Variants in MSRA observed in about 807,000 individuals in gnomAD.
The protein encoded by MSRA is methionine sulfoxide reductase A, also known as mitochondrial peptide methionine sulfoxide reductase.
A neutral mutation model predicts 31.3 loss-of-function variants in MSRA; 54 were observed. The ratio of observed to expected loss-of-function variants is 1.73; its 90% CI spans 1.39 to 2.17. MSRA has a LOEUF of 2.17. MSRA is among the 30% of genes most tolerant of loss of function. MSRA has a pLI of 0.00. For missense variants in MSRA, 507 were observed against 300.9 expected (o/e 1.69, Z -5.07); for synonymous variants, 169 against 116.5 (o/e 1.45, Z -2.90).
At chr8:10,097,084 C>A (rs778333593) in intron 1 of MSRA, among the ~76,000 whole-genome samples, 1 of 151,960 alleles carries the variant, frequency 6.6e-6, no homozygotes, top group Non-Finnish European at 1.5e-5. Context: ...TCCATTATTG[C>A]GCGCCTTAAA....
chr8:10,074,304 G>C (rs948268787), intron 1 of MSRA, among the ~76,000 whole-genome samples: 2 of 151,790 alleles, frequency 1.3e-5, no homozygotes, highest in African/African-American at 4.8e-5. Flanking sequence ...GGATGGTCTT[G>C]ATCTCCTGAC....
chr8:10,270,560 G>T (rs1404371192), intron 3 of MSRA, among the ~76,000 whole-genome samples: 1 of 152,218 alleles, frequency 6.6e-6, no homozygotes, highest in Non-Finnish European at 1.5e-5. Flanking sequence ...AGGACTGCTA[G>T]AGGAGGGAGG....
chr8:10,292,069 T>G (rs1236677082), intron 3 of MSRA, among the ~76,000 whole-genome samples: 1 of 152,208 alleles, frequency 6.6e-6, no homozygotes, highest in East Asian at 1.9e-4. Flanking sequence ...AGTATTCTAG[T>G]CGCATTAGCT....
intron 3 of MSRA, among the ~76,000 whole-genome samples, chr8:10,273,728 C>T (rs1055672457): frequency 2.0e-5 from 3 of 152,082 alleles, no homozygotes; most frequent in Non-Finnish European, 4.4e-5. Context: ...GTTATTGTGG[C>T]TCTGTGAATG....
intron 1 of MSRA, among the ~76,000 whole-genome samples, chr8:10,127,957 T>C (rs868792809): frequency 1.6e-4 from 25 of 152,228 alleles, no homozygotes; most frequent in African/African-American, 4.3e-4. Context: ...GTGTTTCTCC[T>C]GGGGCAGTGT....
chr8:10,054,694 C>T (rs753841833), intron 1 of MSRA, 36 bp downstream of exon 1: 2 of 1,482,308 alleles, frequency 1.3e-6, no homozygotes, highest in Non-Finnish European at 1.8e-6. Flanking sequence ...CGGGCGGCGA[C>T]GCTGCGCATG....
intron 1 of MSRA, among the ~76,000 whole-genome samples, chr8:10,123,906 C>T (rs538266149): frequency 6.6e-6 from 1 of 151,694 alleles, no homozygotes; most frequent in Non-Finnish European, 1.5e-5. Context: ...ACTCTGTCAC[C>T]CAGGCTAGAG....
intron 1 of MSRA, among the ~76,000 whole-genome samples, chr8:10,131,129 G>A (rs768574329): frequency 2.9e-4 from 44 of 152,096 alleles, no homozygotes; most frequent in African/African-American, 6.0e-4. Flanking sequence ...GAATGTTAGG[G>A]CACTGATCAT....
chr8:10,116,111 C>T (rs1205859236), intron 1 of MSRA, among the ~76,000 whole-genome samples: 2 of 152,062 alleles, frequency 1.3e-5, no homozygotes, highest in African/African-American at 2.4e-5. Flanking sequence ...AGCTACATGT[C>T]AAAGGAAAGC....
Position 10,203,311 on chromosome 8 carries a change from G to A in MSRA, c.143-4522G>A, listed in dbSNP as rs143104985. ...AGGAGTGGAATAGAGGAGTTCCCTT[G>A]TATCCAGGTCACCTGGCTGGGGAAA... On this transcript the variant is annotated intron_variant, in intron 1 of 5. Coordinates refer to ENST00000317173, the MANE Select transcript of MSRA (RefSeq NM_012331.5). Among the ~76,000 whole-genome samples the A allele has an allele frequency of 2.8e-4, 43 of 152,272 alleles. No homozygotes were observed. In the East Asian group the frequency reaches 6.8e-3, roughly 24 times the overall value.
chr8:10,113,405 G>T (rs531846184), intron 1 of MSRA, among the ~76,000 whole-genome samples: 3 of 148,736 alleles, frequency 2.0e-5, no homozygotes, highest in Non-Finnish European at 4.4e-5. Context: ...TGGGATAAAG[G>T]GCACAGGGGT....
intron 1 of MSRA, among the ~76,000 whole-genome samples, chr8:10,094,337 G>C (rs1585131768): frequency 6.6e-6 from 1 of 152,308 alleles, no homozygotes; most frequent in Non-Finnish European, 1.5e-5. Context: ...TATATGGAAG[G>C]CTGTATGCAA....
chr8:10,065,952 C>T (rs1021292015), intron 1 of MSRA, among the ~76,000 whole-genome samples: 10 of 150,738 alleles, frequency 6.6e-5, no homozygotes, highest in Admixed American at 6.6e-4. Flanking sequence ...GGCTTCAGGG[C>T]CTTTATGGCT....
chr8:10,392,798 G>C (rs535642902), intron 5 of MSRA, among the ~76,000 whole-genome samples: 59 of 146,100 alleles, frequency 4.0e-4, no homozygotes, highest in Non-Finnish European at 3.7e-4. Context: ...TGTAATCCCA[G>C]CACTTTGGGA....
At chr8:10,279,799 T>C (rs921500494) in intron 3 of MSRA, among the ~76,000 whole-genome samples, 1 of 152,238 alleles carries the variant, frequency 6.6e-6, no homozygotes, top group Admixed American at 6.5e-5. Context: ...CATTATGCCA[T>C]CACTGACTTC....
intron 3 of MSRA, among the ~76,000 whole-genome samples, chr8:10,290,960 G>T (rs1044042103): frequency 6.6e-6 from 1 of 152,134 alleles, no homozygotes; most frequent in African/African-American, 2.4e-5. Context: ...AGGTCCTTTT[G>T]TACCCTTCTT....
intron 1 of MSRA, among the ~76,000 whole-genome samples, chr8:10,115,882 C>T (rs1800641900): frequency 6.6e-6 from 1 of 152,214 alleles, no homozygotes; most frequent in African/African-American, 2.4e-5. Context: ...AAAATGTAAA[C>T]ACTATCCATT....
At chr8:10,309,623 C>A (rs536701560) in intron 4 of MSRA, among the ~76,000 whole-genome samples, 2 of 152,214 alleles carry the variant, frequency 1.3e-5, no homozygotes, top group Non-Finnish European at 2.9e-5. Context: ...TGGTTTGCCC[C>A]CCGTGGGCTG....
At chr8:10,076,145 C>CA (rs1156338128) in intron 1 of MSRA, among the ~76,000 whole-genome samples, 1 of 152,216 alleles carries the variant, frequency 6.6e-6, no homozygotes, top group African/African-American at 2.4e-5. Context: ...GTAAAACAGA[C>CA]AGTCGCTATT....
Sources: allele counts gnomAD v4.1 joint callset (sites outside exome capture counted in the v4.1 genomes callset), GRCh38; gene constraint gnomAD v4.1.1; transcripts MANE v1.5; gene names NCBI Gene and HGNC (gene_info 2026-07-23, HGNC 2026-07-21).